Variants in EYA1 observed in about 807,000 individuals in gnomAD.
EYA1 encodes the protein protein phosphatase EYA1.
EYA1 carries 16 observed loss-of-function variants against 82.0 expected under a neutral mutation model. That is an observed-to-expected ratio of 0.20 (90% CI 0.13 to 0.30). EYA1 has a LOEUF of 0.30. EYA1 is among the 10% of genes least tolerant of loss of function. EYA1 has a pLI of 1.00. For synonymous variants in EYA1, 261 were observed against 264.4 expected, an observed-to-expected ratio of 0.99 and a Z score of 0.12; for missense variants, 633 against 730.7, an observed-to-expected ratio of 0.87 and a Z score of 1.54.
chr8:71,282,650 T>C (rs1449376465), intron 9 of EYA1, among the ~76,000 whole-genome samples: 1 of 152,154 alleles, frequency 6.6e-6, no homozygotes, highest in Non-Finnish European at 1.5e-5. Flanking sequence ...CCCAATCTCC[T>C]TCTCTGGCTC....
chr8:71,298,023 C>T (rs1201784097), intron 9 of EYA1, among the ~76,000 whole-genome samples: 3 of 151,924 alleles, frequency 2.0e-5, no homozygotes, highest in African/African-American at 2.4e-5. Context: ...AGGAAAAAAA[C>T]GTGGAACATG....
Position 71,269,802 on chromosome 8 carries a change from C to T in EYA1, c.988G>A (p.Asp330Asn). 2 of 1,613,686 alleles carry T rather than the reference C, an allele frequency of 1.2e-6. No homozygotes were observed. Among genetic ancestry groups the T allele is most frequent in the Non-Finnish European group, 1.7e-6 (2 of 1,179,708 alleles). The change falls in exon 11 of 18, where the codon GAT (aspartate) becomes AAT (asparagine). Residue 330 changes from aspartate (D) to asparagine (N), a missense_variant. Asp to Asn is a conservative substitution (Grantham distance 23, BLOSUM62 1). Coordinates refer to ENST00000340726, the MANE Select transcript of EYA1 (RefSeq NM_000503.6). The part of the protein sequence containing the change: ...DLERVFIWDL[D>N]ETIIVFHSLL... ...GAGTGGAAAACAATGATTGTCTCAT[C>T]CAAGTCCCAGATGAACACTCTCTAC...
At chr8:71,314,585 G>A (rs927138720) in intron 7 of EYA1, among the ~76,000 whole-genome samples, 2 of 152,080 alleles carry the variant, frequency 1.3e-5, no homozygotes, top group African/African-American at 4.8e-5. Flanking sequence ...CCAAAAATCT[G>A]AAATCCAGAA....
At chr8:71,392,466 C>A (rs914547768) in intron 2 of EYA1, among the ~76,000 whole-genome samples, 9 of 152,142 alleles carry the variant, frequency 5.9e-5, no homozygotes, top group African/African-American at 2.2e-4. Context: ...CTCTTCCTCC[C>A]TAATCTTCCT....
At chr8:71,206,866 C>T (rs908362395) in intron 17 of EYA1, among the ~76,000 whole-genome samples, 2 of 152,122 alleles carry the variant, frequency 1.3e-5, no homozygotes, top group Non-Finnish European at 2.9e-5. Flanking sequence ...AGTGATCCTC[C>T]GACTTCAGCC....
chr8:71,397,894 G>A (rs2129122733), intron 2 of EYA1, among the ~76,000 whole-genome samples: 1 of 152,232 alleles, frequency 6.6e-6, no homozygotes, highest in African/African-American at 2.4e-5. Flanking sequence ...TTTCCAACTT[G>A]GTTCCATTCT....
intron 12 of EYA1, among the ~76,000 whole-genome samples, chr8:71,231,726 C>CT (rs1004953040): frequency 2.0e-4 from 31 of 152,296 alleles, no homozygotes; most frequent in African/African-American, 7.2e-4. Context: ...CAAAGTAGCT[C>CT]TTTTTAGTCT....
chr8:71,334,405 C>A, intron 3 of EYA1: 1 of 564,450 alleles, frequency 1.8e-6, no homozygotes, highest in Non-Finnish European at 3.2e-6. Context: ...AAAAGCAGCA[C>A]TGTAAAAGTA....
chr8:71,398,311 C>T (rs1363769141), intron 2 of EYA1, among the ~76,000 whole-genome samples: 1 of 152,216 alleles, frequency 6.6e-6, no homozygotes, highest in African/African-American at 2.4e-5. Flanking sequence ...CAAAGTCATT[C>T]TCTGTCCAGC....
At chr8:71,369,273 T>C (rs1362519442) in intron 2 of EYA1, among the ~76,000 whole-genome samples, 1 of 152,072 alleles carries the variant, frequency 6.6e-6, no homozygotes, top group African/African-American at 2.4e-5. Context: ...CATTTTTGTA[T>C]ATTCTTGGAT....
Position 71,299,167 on chromosome 8 carries a change from G to A in EYA1, c.706C>T (p.Pro236Ser). ...TTGCTGCTGGTCATATAATGTGCTG[G>A]ATACGGTGAGCTGTTATAATACTGT... ...YAQYYNSSPYPAHYMTSSNTS... is the reference protein window; with the variant it reads ...YAQYYNSSPYSAHYMTSSNTS... Residue 236 changes from proline (P) to serine (S), a missense_variant, in exon 9 of 18, where the codon CCA becomes TCA. By Grantham distance (74) the Pro-to-Ser change is moderately conservative. Transcript: ENST00000340726. 1.2e-6 allele frequency: 2 copies of A among 1,614,118 alleles called. No individual in the cohort carries two copies. The highest frequency in any genetic ancestry group is 8.5e-7 in the Non-Finnish European group (1 of 1,180,010).
chr8:71,413,038 A>T (rs1297355001), intron 2 of EYA1, among the ~76,000 whole-genome samples: 1 of 152,180 alleles, frequency 6.6e-6, no homozygotes, highest in Non-Finnish European at 1.5e-5. Context: ...CACTGTCCAA[A>T]GCCAATGTCA....
At chr8:71,232,941 T>G (rs1259224414) in intron 12 of EYA1, among the ~76,000 whole-genome samples, 1 of 152,174 alleles carries the variant, frequency 6.6e-6, no homozygotes, top group Admixed American at 6.5e-5. Flanking sequence ...AGATTTTAAC[T>G]CACGCAATTC....
chr8:71,376,328 T>C (rs1350686748), intron 2 of EYA1, among the ~76,000 whole-genome samples: 2 of 152,048 alleles, frequency 1.3e-5, no homozygotes, highest in Non-Finnish European at 2.9e-5. Flanking sequence ...CAGGGCTGGG[T>C]GTAGGGCATG....
At chr8:71,398,670 G>A (rs1317829771) in intron 2 of EYA1, among the ~76,000 whole-genome samples, 1 of 152,188 alleles carries the variant, frequency 6.6e-6, no homozygotes, top group Non-Finnish European at 1.5e-5. Context: ...TCGTCTCAGA[G>A]GGGCATCCAG....
intron 2 of EYA1, among the ~76,000 whole-genome samples, chr8:71,425,679 C>T (rs1198530906): frequency 6.6e-6 from 1 of 152,008 alleles, no homozygotes; most frequent in Non-Finnish European, 1.5e-5. Context: ...GTGAGTTCTC[C>T]CTTGAATCCT....
intron 9 of EYA1, among the ~76,000 whole-genome samples, chr8:71,294,177 C>T (rs1222669635): frequency 2.0e-5 from 3 of 151,918 alleles, no homozygotes; most frequent in East Asian, 1.9e-4. Context: ...AAAAACACAC[C>T]GGCCGGGCGC....
intron 3 of EYA1, among the ~76,000 whole-genome samples, chr8:71,349,998 T>C (rs1826145616): frequency 6.6e-6 from 1 of 152,216 alleles, no homozygotes; most frequent in South Asian, 2.1e-4. Flanking sequence ...TTCATTCTTT[T>C]ATGGCTTTTG....
intron 2 of EYA1, among the ~76,000 whole-genome samples, chr8:71,452,900 C>T (rs143545636): frequency 0.013 from 1,995 of 152,216 alleles, 22 homozygotes; most frequent in Admixed American, 0.02. Flanking sequence ...TTGCCAGCAA[C>T]GGAACAAAGC....
Sources: gnomAD v4.1 joint callset for allele counts (sites outside exome capture counted in the v4.1 genomes callset) on GRCh38, gnomAD v4.1.1 for gene constraint, MANE v1.5 for transcripts, NCBI Gene and HGNC (gene_info 2026-07-23, HGNC 2026-07-21) for gene names.